The following HNF4G variants were observed in gnomAD, a reference collection of about 807,000 sequenced individuals.
HNF4G encodes hepatocyte nuclear factor 4-gamma.
In HNF4G, 21 loss-of-function variants were observed where a neutral mutation model predicts 50.9. That is an observed-to-expected ratio of 0.41 (90% confidence interval 0.29 to 0.59). The LOEUF (loss-of-function observed/expected upper bound fraction) is 0.59, where lower values mean the gene tolerates loss of function less well. Ranked by LOEUF, HNF4G falls within the 20% of genes least tolerant of loss-of-function variation. The probability of loss-of-function intolerance (pLI) is 0.26; values close to 1 mark genes in which losing one functional copy is unlikely to be tolerated. For missense variants in HNF4G, 527 were observed against 559.4 expected (o/e 0.94, Z 0.58); for synonymous variants, 198 against 185.6 (o/e 1.07, Z -0.54).
upstream of HNF4G, among the ~76,000 whole-genome samples, chr8:75,539,687 C>T (rs1217914181): frequency 6.6e-6 from 1 of 152,124 alleles, no homozygotes; most frequent in Non-Finnish European, 1.5e-5. Context: ...TTTAGGAAAT[C>T]ATGTTAGTCC....
intron 1 of HNF4G, among the ~76,000 whole-genome samples, chr8:75,446,918 T>C (rs1488703656): frequency 3.2e-5 from 4 of 126,378 alleles, no homozygotes; most frequent in East Asian, 2.5e-4. Context: ...CTTCACAGAA[T>C]TGGAAAAAAC....
rs748221253 is a variant in HNF4G, at chr8:75,480,717, C to CTTTTTTT, written c.-143-9369_-143-9368insTTTTTTT. Among the ~76,000 whole-genome samples, 553 of 123,746 alleles carry CTTTTTTT rather than the reference C, an allele frequency of 4.5e-3. 8 individuals carry two copies. The highest frequency in any genetic ancestry group is 6.9e-3 in the Non-Finnish European group (425 of 61,258). 81.2% of individuals were successfully genotyped at this position (123,746 alleles called of 152,430 possible). On this transcript the variant is annotated intron_variant, in intron 1 of 10. Coordinates refer to the HNF4G transcript ENST00000354370. ...CTGGATCTCATTTCTTTTTCTTTTT[C>CTTTTTTT]TTTCTTTTTTTTTTTTTTTGAGACA...
At position 75,564,342 on chromosome 8, in the gene HNF4G, C is replaced by G. The variant is rs1049767659; in HGVS notation, c.*246C>G. ...TATATAGGGTATTTTTTCCAACTGCCCCTGCATTGTGCCTGAACCAATTGA... is the reference window on the plus strand; with the variant it reads ...TATATAGGGTATTTTTTCCAACTGCGCCTGCATTGTGCCTGAACCAATTGA... On this transcript the variant is annotated 3_prime_UTR_variant, in exon 10 of 10. Coordinates refer to ENST00000396423, the MANE Select transcript of HNF4G (RefSeq NM_004133.5). 1.1e-5 allele frequency: 4 copies of G among 379,058 alleles called. No individual in the cohort carries two copies. Among genetic ancestry groups the G allele is most frequent in the African/African-American group, 8.3e-5 (4 of 48,206 alleles). 23.5% of individuals were successfully genotyped at this position (379,058 alleles called of 1,614,324 possible). A position where few individuals can be genotyped will look rare whatever the true frequency, so the allele number is the denominator to read the frequency against.
At chr8:75,457,758 C>A (rs1811755965) in intron 1 of HNF4G, among the ~76,000 whole-genome samples, 1 of 151,846 alleles carries the variant, frequency 6.6e-6, no homozygotes. Flanking sequence ...TCTAGCTCTG[C>A]ATAAAGATAT....
chr8:75,529,036 C>G (rs1489445602), intron 2 of HNF4G, among the ~76,000 whole-genome samples: 2 of 152,042 alleles, frequency 1.3e-5, no homozygotes, highest in Non-Finnish European at 2.9e-5. Flanking sequence ...CCTGTAATCC[C>G]AGCACTTTGG....
chr8:75,424,025 G>A (rs1016154266), intron 1 of HNF4G, among the ~76,000 whole-genome samples: 2 of 151,180 alleles, frequency 1.3e-5, no homozygotes, highest in Admixed American at 6.6e-5. Context: ...GTTTCACCAC[G>A]TTGGCCAGGA....
chr8:75,430,416 T>A (rs1374198531), intron 1 of HNF4G, among the ~76,000 whole-genome samples: 4 of 150,292 alleles, frequency 2.7e-5, no homozygotes, highest in African/African-American at 4.9e-5. Context: ...ATAGGATCCC[T>A]GAAAGACAAT....
At chr8:75,552,326 T>A (rs1806983660) in intron 4 of HNF4G, among the ~76,000 whole-genome samples, 1 of 152,126 alleles carries the variant, frequency 6.6e-6, no homozygotes, top group Non-Finnish European at 1.5e-5. Context: ...GAGAAAATAT[T>A]CAAATACAGA....
intron 2 of HNF4G, among the ~76,000 whole-genome samples, chr8:75,528,842 A>G (rs1284504772): frequency 6.6e-6 from 1 of 152,100 alleles, no homozygotes; most frequent in Non-Finnish European, 1.5e-5. Flanking sequence ...ATACTACCTG[A>G]GACTGGGTAA....
chr8:75,544,139 G>A (rs1021757562), intron 2 of HNF4G, among the ~76,000 whole-genome samples, 160 bp downstream of exon 2: 6 of 152,196 alleles, frequency 3.9e-5, no homozygotes, highest in African/African-American at 1.4e-4. Flanking sequence ...ATGTACACAG[G>A]ATGTATTCAC....
intron 2 of HNF4G, among the ~76,000 whole-genome samples, chr8:75,525,081 G>A (rs185737285): frequency 1.3e-5 from 2 of 152,290 alleles, no homozygotes; most frequent in Non-Finnish European, 2.9e-5. Context: ...GAGGACAGAT[G>A]AGGTCATAGC....
intron 1 of HNF4G, among the ~76,000 whole-genome samples, chr8:75,421,821 C>T (rs568157104): frequency 7.9e-5 from 12 of 152,272 alleles, no homozygotes; most frequent in South Asian, 2.1e-4. Flanking sequence ...TAGACCATCT[C>T]GTCTCTCCAC....
Position 75,449,545 on chromosome 8 carries a change from C to A in HNF4G, c.-143-40544C>A, listed in dbSNP as rs1472566017. On this transcript the variant is annotated intron_variant, in intron 1 of 10. Coordinates refer to the HNF4G transcript ENST00000354370. ...TTTTTGAGACGGAGTCTCACTCTGT[C>A]GCCCAGGCTGTAGTGCAGTGGGGCG... is the stretch of plus-strand genomic sequence containing the variant. Among the ~76,000 whole-genome samples the A allele has an allele frequency of 1.2e-4, 16 of 129,526 alleles. 1 individual carries two copies. Among genetic ancestry groups the A allele is most frequent in the South Asian group, 4.7e-4 (2 of 4,242 alleles). 85.0% of individuals were successfully genotyped at this position (129,526 alleles called of 152,430 possible).
At chr8:75,496,263 A>G (rs1585895099) in intron 2 of HNF4G, among the ~76,000 whole-genome samples, 1 of 152,122 alleles carries the variant, frequency 6.6e-6, no homozygotes, top group Admixed American at 6.5e-5. Flanking sequence ...AAAAAATACT[A>G]TTCTAGTCAC....
intron 1 of HNF4G, among the ~76,000 whole-genome samples, chr8:75,424,854 A>G (rs1410239366): frequency 6.6e-6 from 1 of 152,160 alleles, no homozygotes; most frequent in African/African-American, 2.4e-5. Context: ...CGATGAACAT[A>G]CAAATGCATT....
intron 2 of HNF4G, among the ~76,000 whole-genome samples, chr8:75,519,344 C>T (rs767878334): frequency 1.3e-5 from 2 of 152,212 alleles, no homozygotes; most frequent in Non-Finnish European, 2.9e-5. Flanking sequence ...CTTCTGAGCC[C>T]TCCAAACTGT....
At chr8:75,534,069 G>C (rs1451568410) in intron 2 of HNF4G, among the ~76,000 whole-genome samples, 2 of 151,842 alleles carry the variant, frequency 1.3e-5, no homozygotes, top group Admixed American at 1.3e-4. Flanking sequence ...ATTTGCAATA[G>C]GTACTGGCCC....
chr8:75,440,784 A>G (rs1384442508), intron 1 of HNF4G, among the ~76,000 whole-genome samples: 1 of 152,164 alleles, frequency 6.6e-6, no homozygotes, highest in Non-Finnish European at 1.5e-5. Flanking sequence ...AATTAAGACT[A>G]TACATGTATG....
chr8:75,555,641 T>C (rs1157859160), intron 5 of HNF4G, among the ~76,000 whole-genome samples: 6 of 152,078 alleles, frequency 3.9e-5, no homozygotes, highest in Non-Finnish European at 7.4e-5. Flanking sequence ...CTGGTTAACT[T>C]ACACAAGGTT....
Sources: gnomAD v4.1 joint callset for allele counts (sites outside exome capture counted in the v4.1 genomes callset) on GRCh38, gnomAD v4.1.1 for gene constraint, MANE v1.5 for transcripts, NCBI Gene and HGNC (gene_info 2026-07-23, HGNC 2026-07-21) for gene names.